SYT14: variants seen among roughly 807,000 people sequenced by gnomAD.
The protein encoded by SYT14 is synaptotagmin 14.
Under a neutral mutation model 74.2 loss-of-function variants are expected in SYT14, and 32 were observed. The ratio of observed to expected loss-of-function variants is 0.43; its 90% CI spans 0.33 to 0.58. The LOEUF (loss-of-function observed/expected upper bound fraction) is 0.58. SYT14 is among the 20% of genes least tolerant of loss of function. The probability of loss-of-function intolerance (pLI) is 0.05; values close to 1 mark genes in which losing one functional copy is unlikely to be tolerated. For missense variants in SYT14, 791 were observed against 981.8 expected (o/e 0.81, Z 2.60); for synonymous variants, 298 against 337.7 (o/e 0.88, Z 1.29).
At chr1:210,091,427 G>A (rs780751987) in intron 5 of SYT14, among the ~76,000 whole-genome samples, 10 of 152,190 alleles carry the variant, frequency 6.6e-5, no homozygotes, top group Non-Finnish European at 1.2e-4. Flanking sequence ...AGTGCCTTAT[G>A]CCTGTAATCC....
intron 2 of SYT14, among the ~76,000 whole-genome samples, chr1:209,997,787 A>G (rs1457578557): frequency 6.6e-6 from 1 of 151,922 alleles, no homozygotes; most frequent in Non-Finnish European, 1.5e-5. Context: ...CTGTATATGT[A>G]CCCCCCTGTA....
intron 5 of SYT14, among the ~76,000 whole-genome samples, chr1:210,028,524 A>G (rs1280499952): frequency 6.6e-6 from 1 of 151,772 alleles, no homozygotes; most frequent in Non-Finnish European, 1.5e-5. Flanking sequence ...ATCATACCCT[A>G]TTTGTCTTTT....
chr1:210,050,830 C>G (rs754158268), intron 5 of SYT14, among the ~76,000 whole-genome samples: 3 of 152,210 alleles, frequency 2.0e-5, no homozygotes, highest in Admixed American at 6.5e-5. Context: ...CAATCCCTTT[C>G]CATTGAGTTC....
At chr1:210,040,722 TA>T (rs1476176377) in intron 5 of SYT14, among the ~76,000 whole-genome samples, 1 of 152,176 alleles carries the variant, frequency 6.6e-6, no homozygotes, top group Non-Finnish European at 1.5e-5. Flanking sequence ...CACTGGTTCC[TA>T]AAGTCATTTA....
chr1:210,120,565 C>CTG (rs2082440420), intron 7 of SYT14, among the ~76,000 whole-genome samples: 1 of 152,020 alleles, frequency 6.6e-6, no homozygotes, highest in East Asian at 1.9e-4. Flanking sequence ...GTACGGTAAC[C>CTG]TGCTGTACAG....
At chr1:209,969,941 T>C (rs1054461775) in intron 2 of SYT14, among the ~76,000 whole-genome samples, 6 of 152,192 alleles carry the variant, frequency 3.9e-5, no homozygotes, top group Non-Finnish European at 8.8e-5. Context: ...TTATTTCTTA[T>C]AGATTCTGGA....
intron 5 of SYT14, among the ~76,000 whole-genome samples, chr1:210,033,439 T>C (rs990565082): frequency 6.6e-6 from 1 of 151,862 alleles, no homozygotes; most frequent in African/African-American, 2.4e-5. Flanking sequence ...TGTGGAGCTC[T>C]CTTTTTGAGA....
At chr1:209,974,909 C>T (rs1259118658) in intron 2 of SYT14, among the ~76,000 whole-genome samples, 1 of 152,092 alleles carries the variant, frequency 6.6e-6, no homozygotes, top group Non-Finnish European at 1.5e-5. Flanking sequence ...TTGTAGTTCT[C>T]CTTGAAGAGG....
intron 2 of SYT14, among the ~76,000 whole-genome samples, chr1:209,998,121 G>GT (rs1042038945): frequency 6.6e-6 from 1 of 151,916 alleles, no homozygotes; most frequent in East Asian, 1.9e-4. Flanking sequence ...TATTTCTAGG[G>GT]TTTTTTTGTT....
At chr1:210,089,831 CGCATAGATTTATGCTA>C (rs1330378543) in intron 5 of SYT14, among the ~76,000 whole-genome samples, 1 of 152,144 alleles carries the variant, frequency 6.6e-6, no homozygotes, top group Non-Finnish European at 1.5e-5. Context: ...AAGCAATGAA[CGCATAGATTTATGCTA>C]GCATAGATTT....
intron 7 of SYT14, among the ~76,000 whole-genome samples, chr1:210,153,010 G>T (rs2102704987): frequency 6.6e-6 from 1 of 152,202 alleles, no homozygotes; most frequent in East Asian, 1.9e-4. Context: ...GCCATTGTAT[G>T]AACTCAGTAC....
chr1:209,988,839 A>G (rs2079616718), intron 2 of SYT14, among the ~76,000 whole-genome samples: 1 of 152,106 alleles, frequency 6.6e-6, no homozygotes, highest in African/African-American at 2.4e-5. Flanking sequence ...TGTATGTGCT[A>G]AGAAGTACTG....
intron 1 of SYT14, among the ~76,000 whole-genome samples, chr1:209,946,217 T>C (rs781273696): frequency 6.6e-6 from 1 of 152,196 alleles, no homozygotes; most frequent in Admixed American, 6.5e-5. Context: ...CCTACAAATG[T>C]TCAATGAAAG....
intron 6 of SYT14, among the ~76,000 whole-genome samples, chr1:210,095,427 A>AT (rs1260726268): frequency 2.0e-5 from 3 of 152,010 alleles, no homozygotes; most frequent in Admixed American, 1.3e-4. Context: ...AAATTTTTTA[A>AT]TTTTTTTGTA....
intron 6 of SYT14, 133 bp downstream of exon 5, chr1:210,094,726 T>G (rs2081939328): frequency 9.2e-7 from 1 of 1,091,452 alleles, no homozygotes; most frequent in Non-Finnish European, 1.3e-6. Flanking sequence ...TATCCATCCT[T>G]AATCTAATCT....
At chr1:210,030,627 T>C (rs1274842834) in intron 5 of SYT14, among the ~76,000 whole-genome samples, 1 of 152,166 alleles carries the variant, frequency 6.6e-6, no homozygotes, top group Non-Finnish European at 1.5e-5. Context: ...CTATTTTGAG[T>C]TGAAGTGGTG....
At chr1:210,160,187 T>A (rs1464874765) in intron 9 of SYT14, among the ~76,000 whole-genome samples, 3 of 152,166 alleles carry the variant, frequency 2.0e-5, no homozygotes, top group Non-Finnish European at 4.4e-5. Context: ...ATGCAGAGAT[T>A]TTTTTTGACA....
At position 209,970,505 on chromosome 1, in the gene SYT14, C is replaced by T. The variant is rs530379889; in HGVS notation, c.-486+17749C>T. On this transcript the variant is annotated intron_variant, in intron 2 of 9. Coordinates refer to ENST00000637265, the Ensembl canonical transcript of SYT14. ...TTAAAGTCAGGTAATGTGATGCATC[C>T]AGCTTTATTCTTTTTGCTTAGGATG... 3.9e-5 allele frequency among the ~76,000 whole-genome samples: 6 copies of T among 152,038 alleles called. No homozygotes were observed. The South Asian group carries it at 8.3e-4, about 21-fold the overall frequency.
intron 7 of SYT14, among the ~76,000 whole-genome samples, chr1:210,131,215 G>T (rs2082667054): frequency 6.6e-5 from 10 of 152,012 alleles, no homozygotes; most frequent in Admixed American, 6.6e-4. Context: ...TACCATCACC[G>T]CTGTGACTGT....
Sources: allele counts gnomAD v4.1 joint callset (sites outside exome capture counted in the v4.1 genomes callset), GRCh38; gene constraint gnomAD v4.1.1; transcripts MANE v1.5; gene names NCBI Gene and HGNC (gene_info 2026-07-23, HGNC 2026-07-21).